Variants in LCP1 observed in about 807,000 individuals in gnomAD.
LCP1 encodes lymphocyte cytosolic protein 1.
Under a neutral mutation model 72.0 loss-of-function variants are expected in LCP1, and 23 were observed. The observed-to-expected ratio is 0.32, with a 90% CI of 0.23 to 0.45. LCP1 has a LOEUF of 0.45. Among genes scored for constraint, LCP1 ranks in the 20% least tolerant of loss-of-function variants. LCP1 has a pLI of 1.00. For missense variants in LCP1, 571 were observed against 748.3 expected (o/e 0.76, Z 2.76); for synonymous variants, 245 against 275.4 (o/e 0.89, Z 1.09).
intron 1 of LCP1, among the ~76,000 whole-genome samples, chr13:46,163,759 T>A (rs1472430276): frequency 6.6e-6 from 1 of 152,228 alleles, no homozygotes; most frequent in East Asian, 1.9e-4. Context: ...TTTGCTTTCC[T>A]GTGCTCAGAA....
intron 2 of LCP1, 86 bp from the exon 3 acceptor site, chr13:46,159,075 A>C: frequency 8.1e-7 from 1 of 1,228,526 alleles, no homozygotes. Flanking sequence ...TGGAAGGTGA[A>C]GGGACGAGAG....
intron 13 of LCP1, among the ~76,000 whole-genome samples, chr13:46,136,972 A>C (rs150454510): frequency 1.3e-5 from 2 of 152,206 alleles, no homozygotes; most frequent in Non-Finnish European, 2.9e-5. Flanking sequence ...TAAATGGTGC[A>C]GAGGGGAAGC....
intron 6 of LCP1, among the ~76,000 whole-genome samples, chr13:46,154,254 T>A (rs2045786936): frequency 6.6e-6 from 1 of 152,226 alleles, no homozygotes; most frequent in South Asian, 2.1e-4. Flanking sequence ...TCGTTCATGA[T>A]TTAAGAAGTT....
chr13:46,160,870 C>T (rs2045834000), intron 1 of LCP1, among the ~76,000 whole-genome samples: 1 of 151,462 alleles, frequency 6.6e-6, no homozygotes, highest in Non-Finnish European at 1.5e-5. Flanking sequence ...GGGAAGTTAT[C>T]GATTTAAAAA....
At chr13:46,153,224 T>C in intron 6 of LCP1, 2 of 239,738 alleles carry the variant, frequency 8.3e-6, no homozygotes, top group Non-Finnish European at 1.6e-5. Flanking sequence ...AGGCCTATAT[T>C]TTTCCATCTT....
intron 11 of LCP1, among the ~76,000 whole-genome samples, chr13:46,143,785 G>C (rs2045712550): frequency 6.6e-6 from 1 of 152,230 alleles, no homozygotes; most frequent in African/African-American, 2.4e-5. Flanking sequence ...GAAATATTTA[G>C]AACGGGCGCA....
chr13:46,153,230 A>T, intron 6 of LCP1: 1 of 226,320 alleles, frequency 4.4e-6, no homozygotes, highest in Non-Finnish European at 8.7e-6. Context: ...ATATTTTTCC[A>T]TCTTGCTCTG....
chr13:46,156,332 T>A, intron 5 of LCP1, 106 bp downstream of exon 5: 1 of 1,325,578 alleles, frequency 7.5e-7, no homozygotes, highest in Non-Finnish European at 1.1e-6. Flanking sequence ...GCCTTCTAGG[T>A]GCAGCTGAGC....
intron 13 of LCP1, among the ~76,000 whole-genome samples, chr13:46,135,941 G>A (rs1419036597): frequency 4.6e-5 from 7 of 151,848 alleles, no homozygotes; most frequent in Admixed American, 3.9e-4. Context: ...AATGTGATTC[G>A]ACATGGCCCA....
chr13:46,143,684 C>G (rs1330250173), intron 11 of LCP1, among the ~76,000 whole-genome samples: 1 of 152,160 alleles, frequency 6.6e-6, no homozygotes, highest in Non-Finnish European at 1.5e-5. Flanking sequence ...TACACCAAAC[C>G]CCTGCAACAT....
intron 15 of LCP1, among the ~76,000 whole-genome samples, chr13:46,128,554 T>C (rs1182156419): frequency 1.1e-4 from 16 of 151,920 alleles, no homozygotes; most frequent in Non-Finnish European, 7.4e-5. Flanking sequence ...GCCAAGATCG[T>C]GCCACTGTAG....
chr13:46,132,165 G>A (rs1213053548), intron 14 of LCP1, among the ~76,000 whole-genome samples: 1 of 152,054 alleles, frequency 6.6e-6, no homozygotes, highest in Non-Finnish European at 1.5e-5. Flanking sequence ...AATGAGCCCC[G>A]AGTGTTACAA....
intron 1 of LCP1, among the ~76,000 whole-genome samples, chr13:46,163,865 C>T (rs964760848): frequency 6.6e-6 from 1 of 152,092 alleles, no homozygotes; most frequent in Non-Finnish European, 1.5e-5. Flanking sequence ...TCTTCTATAC[C>T]CTCTACCATA....
intron 1 of LCP1, among the ~76,000 whole-genome samples, chr13:46,170,942 G>C (rs556998174): frequency 6.6e-6 from 1 of 152,302 alleles, no homozygotes; most frequent in Admixed American, 6.5e-5. Context: ...ATTTGACCTA[G>C]ATTTCAACAG....
At chr13:46,157,307 A>G (rs1202985961) in intron 4 of LCP1, among the ~76,000 whole-genome samples, 2 of 152,256 alleles carry the variant, frequency 1.3e-5, no homozygotes, top group African/African-American at 2.4e-5. Flanking sequence ...CTTACAGGAC[A>G]AAACTCAGGA....
intron 1 of LCP1, among the ~76,000 whole-genome samples, chr13:46,176,356 GAAAA>G (rs35188843): frequency 6.6e-6 from 1 of 151,838 alleles, no homozygotes; most frequent in African/African-American, 2.4e-5. Context: ...AATAAAAACT[GAAAA>G]AACATTTTCA....
At chr13:46,148,769 A>T in intron 8 of LCP1, 2 of 846,584 alleles carry the variant, frequency 2.4e-6, no homozygotes, top group Non-Finnish European at 2.9e-6. Flanking sequence ...TATACAGGAA[A>T]ATATATATAT....
At chr13:46,131,104 T>C (rs533035933) in intron 14 of LCP1, among the ~76,000 whole-genome samples, 166 bp from the exon 15 acceptor site, 2 of 152,298 alleles carry the variant, frequency 1.3e-5, no homozygotes, top group South Asian at 4.1e-4. Context: ...GTAGTTTCTG[T>C]AGGAGCATCA....
chr13:46,153,546 C>T (rs1457820450), intron 6 of LCP1, among the ~76,000 whole-genome samples: 1 of 151,762 alleles, frequency 6.6e-6, no homozygotes, highest in African/African-American at 2.4e-5. Flanking sequence ...ACTAAAAATA[C>T]AAAAATTAGC....
Sources: gnomAD v4.1 joint callset for allele counts (sites outside exome capture counted in the v4.1 genomes callset) on GRCh38, gnomAD v4.1.1 for gene constraint, MANE v1.5 for transcripts, NCBI Gene and HGNC (gene_info 2026-07-23, HGNC 2026-07-21) for gene names.